FGD4: variants seen among roughly 807,000 people sequenced by gnomAD.
FGD4 encodes the protein FYVE, RhoGEF and PH domain-containing protein 4.
A neutral mutation model predicts 102.0 loss-of-function variants in FGD4; 42 were observed. That is an observed-to-expected ratio of 0.41 (90% CI 0.32 to 0.53). The LOEUF is 0.53. Among genes scored for constraint, FGD4 ranks in the 20% least tolerant of loss-of-function variants. The pLI is 0.21. For synonymous variants in FGD4, 380 were observed against 375.7 expected, an observed-to-expected ratio of 1.01 and a Z score of -0.13; for missense variants, 902 against 1,078.2, an observed-to-expected ratio of 0.84 and a Z score of 2.29.
rs755007033 is a variant in FGD4 at position 32,602,329 on chromosome 12, G to A, written c.1404+12G>A. 8 of 1,613,790 alleles carry A rather than the reference G, an allele frequency of 5.0e-6. No homozygotes were observed. Among genetic ancestry groups the A allele is most frequent in the African/African-American group, 1.3e-5 (1 of 75,014 alleles). On this transcript the variant is annotated intron_variant, in intron 7 of 16. Coordinates refer to ENST00000534526, the MANE Select transcript of FGD4 (RefSeq NM_001370298.3). ...TTGAAGAAATTCAGGTAATAGGACT[G>A]TTTTGTTCAAAGCTATGAATTACTA...
intron 2 of FGD4, 104 bp downstream of exon 2, chr12:32,564,393 A>G (rs1945012696): frequency 2.9e-6 from 4 of 1,383,212 alleles, no homozygotes; most frequent in African/African-American, 1.4e-5. Context: ...GCTAGAAGGA[A>G]GGAATTGGGT....
At chr12:32,404,057 G>C (rs1218657101) in intron 1 of FGD4, among the ~76,000 whole-genome samples, 1 of 150,320 alleles carries the variant, frequency 6.7e-6, no homozygotes, top group African/African-American at 2.5e-5. Flanking sequence ...GGTCTTACAA[G>C]TTAGTTACTT....
intron 1 of FGD4, among the ~76,000 whole-genome samples, chr12:32,461,509 G>A (rs1055464222): frequency 1.3e-5 from 2 of 152,048 alleles, no homozygotes; most frequent in African/African-American, 4.8e-5. Flanking sequence ...TTTTTGCCAG[G>A]TAGTTTATTT....
intron 11 of FGD4, 88 bp downstream of exon 11, chr12:32,619,958 A>C: frequency 2.7e-6 from 4 of 1,456,434 alleles, no homozygotes; most frequent in Non-Finnish European, 3.8e-6. Context: ...GGTTTTTCTC[A>C]AGTGAATGCT....
intron 8 of FGD4, among the ~76,000 whole-genome samples, chr12:32,610,123 C>T (rs185237955): frequency 6.6e-6 from 1 of 152,230 alleles, no homozygotes; most frequent in Non-Finnish European, 1.5e-5. Context: ...AAAATACTTA[C>T]TACTCATGAA....
At chr12:32,599,494 C>CAAAAAAAAAAAAAAAAAAAA (rs777429838) in intron 5 of FGD4, among the ~76,000 whole-genome samples, 27 of 19,670 alleles carry the variant, frequency 1.4e-3, no homozygotes, top group Admixed American at 2.7e-3. Flanking sequence ...GACTCCGTCT[C>CAAAAAAAAAAAAAAAAAAAA]AAAAAAAAAA....
chr12:32,487,611 G>C (rs904300470), intron 1 of FGD4, among the ~76,000 whole-genome samples: 3 of 152,134 alleles, frequency 2.0e-5, no homozygotes, highest in Non-Finnish European at 4.4e-5. Flanking sequence ...GTTTTTAGTA[G>C]AGACGAGGTT....
intron 1 of FGD4, among the ~76,000 whole-genome samples, chr12:32,471,826 G>T (rs1369011684): frequency 6.6e-6 from 1 of 152,134 alleles, no homozygotes; most frequent in Non-Finnish European, 1.5e-5. Flanking sequence ...TAAGGACTAG[G>T]CCCAGAACCA....
intron 1 of FGD4, among the ~76,000 whole-genome samples, chr12:32,433,688 G>A (rs1253029230): frequency 2.0e-5 from 3 of 152,096 alleles, no homozygotes; most frequent in South Asian, 2.1e-4. Flanking sequence ...TTTATGTAAC[G>A]AAGCATCCTC....
chr12:32,633,996 G>A (rs2137028372), intron 15 of FGD4, among the ~76,000 whole-genome samples: 3 of 152,284 alleles, frequency 2.0e-5, no homozygotes, highest in Middle Eastern at 3.4e-3. Context: ...GATTTTTACA[G>A]AAGAAATAAA....
At chr12:32,554,076 G>A (rs1197931575) in intron 1 of FGD4, among the ~76,000 whole-genome samples, 1 of 152,162 alleles carries the variant, frequency 6.6e-6, no homozygotes, top group African/African-American at 2.4e-5. Context: ...GTGAGGTCCT[G>A]TCTCAAAAAC....
intron 1 of FGD4, among the ~76,000 whole-genome samples, chr12:32,475,699 C>T (rs1207723659): frequency 6.6e-6 from 1 of 152,190 alleles, no homozygotes; most frequent in East Asian, 1.9e-4. Context: ...TTTAGAACCA[C>T]TGGTCTAAGA....
chr12:32,542,771 G>A (rs1592161542), intron 1 of FGD4, among the ~76,000 whole-genome samples: 1 of 152,116 alleles, frequency 6.6e-6, no homozygotes, highest in East Asian at 1.9e-4. Context: ...GTTTCTCCTT[G>A]TATAGGAGCT....
intron 1 of FGD4, among the ~76,000 whole-genome samples, chr12:32,532,569 C>CT (rs936929128): frequency 1.1e-3 from 153 of 143,462 alleles, no homozygotes; most frequent in African/African-American, 2.1e-3. Context: ...CACATGTTAG[C>CT]TTTTTTTTTT....
chr12:32,431,666 G>A (rs1295611490), intron 1 of FGD4, among the ~76,000 whole-genome samples: 8 of 151,670 alleles, frequency 5.3e-5, no homozygotes, highest in Non-Finnish European at 1.5e-5. Flanking sequence ...CCTGGCACTT[G>A]GGAGGCTGAG....
chr12:32,638,630 C>G, intron 15 of FGD4, 25 bp from the exon 16 acceptor site: 2 of 1,613,870 alleles, frequency 1.2e-6, no homozygotes, highest in Non-Finnish European at 8.5e-7. Context: ...TGTGTTCATT[C>G]TGTCTTTCCA....
chr12:32,607,373 G>A (rs555473756), intron 7 of FGD4, among the ~76,000 whole-genome samples: 1 of 152,312 alleles, frequency 6.6e-6, no homozygotes, highest in South Asian at 2.1e-4. Flanking sequence ...AGAGGTTGCA[G>A]TGAGATCACA....
chr12:32,607,572 C>T (rs1013617421), intron 7 of FGD4, among the ~76,000 whole-genome samples: 6 of 152,206 alleles, frequency 3.9e-5, no homozygotes, highest in Non-Finnish European at 8.8e-5. Context: ...CTAAGTGGCA[C>T]GATCTTGGCT....
At chr12:32,561,082 T>G (rs1426058695) in intron 1 of FGD4, among the ~76,000 whole-genome samples, 10 of 115,980 alleles carry the variant, frequency 8.6e-5, no homozygotes, top group Admixed American at 1.6e-4. Flanking sequence ...TTTGTTTTTT[T>G]TTTTTTTTTT....
Sources: allele counts gnomAD v4.1 joint callset (sites outside exome capture counted in the v4.1 genomes callset), GRCh38; gene constraint gnomAD v4.1.1; transcripts MANE v1.5; gene names NCBI Gene and HGNC (gene_info 2026-07-23, HGNC 2026-07-21).